CXorf58: variants seen among roughly 807,000 people sequenced by gnomAD.
CXorf58 encodes uncharacterized protein CXorf58.
A neutral mutation model predicts 26.0 loss-of-function variants in CXorf58; 24 were observed. That is an observed-to-expected ratio of 0.92 (90% CI 0.67 to 1.30). The LOEUF (loss-of-function observed/expected upper bound fraction) is 1.30, where lower values mean the gene tolerates loss of function less well. CXorf58 is among the 50% of genes most tolerant of loss of function. The pLI, the probability that CXorf58 is intolerant of heterozygous loss-of-function variation, is 0.00. For synonymous variants in CXorf58, 87 were observed against 86.1 expected (o/e 1.01, Z -0.06); for missense variants, 236 against 263.9 (o/e 0.89, Z 0.73).
intron 7 of CXorf58, among the ~76,000 whole-genome samples, chrX:23,936,370 G>A (rs1928297447): frequency 8.9e-6 from 1 of 111,931 alleles, no homozygotes; most frequent in Admixed American, 9.5e-5. Flanking sequence ...GAGATAAATT[G>A]CATATAAATT....
intron 5 of CXorf58, among the ~76,000 whole-genome samples, chrX:23,920,926 A>T (rs764658014): frequency 1.8e-5 from 2 of 109,813 alleles, no homozygotes; most frequent in Non-Finnish European, 3.8e-5. Flanking sequence ...AATGAGCTAC[A>T]TGTTTTCATT....
Position 23,938,701 on chromosome X carries a change from G to C in CXorf58, c.939+1G>C. 1 of 1,143,220 alleles carries C rather than the reference G, an allele frequency of 8.7e-7. No individual in the cohort carries two copies. Among genetic ancestry groups the C allele is most frequent in the Admixed American group, 2.6e-5 (1 of 38,826 alleles). 94.2% of individuals were successfully genotyped at this position (1,143,220 alleles called of 1,213,427 possible). ...AGAAAAAAATACTTCTGAGGTGACT[G>C]TAAGTTTAACTTGTACTGAATTCAT... On this transcript the variant is annotated splice_donor_variant, in intron 8 of 8. Transcript: ENST00000379211. LOFTEE classifies it high-confidence loss of function.
intron 2 of CXorf58, among the ~76,000 whole-genome samples, chrX:23,911,470 C>G (rs1188195802): frequency 9.0e-6 from 1 of 110,846 alleles, no homozygotes; most frequent in Non-Finnish European, 1.9e-5. Context: ...AATATACATG[C>G]CTCTTAATGA....
intron 3 of CXorf58, 88 bp from the exon 4 acceptor site, chrX:23,915,608 TGTTC>T: frequency 4.1e-6 from 2 of 493,278 alleles, no homozygotes; most frequent in Non-Finnish European, 6.9e-6. Flanking sequence ...TCCAGCATAA[TGTTC>T]ACTTTACCAC....
intron 6 of CXorf58, among the ~76,000 whole-genome samples, chrX:23,932,808 A>G (rs1171621426): frequency 9.0e-6 from 1 of 111,265 alleles, no homozygotes; most frequent in Non-Finnish European, 1.9e-5. Flanking sequence ...CAGCCTGGCC[A>G]ACATGATGAA....
chrX:23,937,426 C>CTTTTTTTTTTTTTT (rs112427001), intron 7 of CXorf58, among the ~76,000 whole-genome samples: 1 of 95,013 alleles, frequency 1.1e-5, no homozygotes. Context: ...TTTTTCTTTT[C>CTTTTTTTTTTTTTT]TTTTTTTTTT....
intron 6 of CXorf58, among the ~76,000 whole-genome samples, chrX:23,932,567 G>A (rs142620853): frequency 2.7e-5 from 3 of 112,281 alleles, no homozygotes; most frequent in Non-Finnish European, 3.8e-5. Flanking sequence ...AACTATATAC[G>A]TTGCTGTTTG....
chrX:23,917,422 C>A (rs747449421), intron 5 of CXorf58, among the ~76,000 whole-genome samples: 40 of 108,216 alleles, frequency 3.7e-4, no homozygotes, highest in Admixed American at 2.9e-3. Flanking sequence ...TTATTTATTT[C>A]TTTATTTATT....
intron 3 of CXorf58, 71 bp downstream of exon 3, chrX:23,911,927 C>G (rs1187279855): frequency 1.4e-6 from 1 of 698,481 alleles, no homozygotes. Flanking sequence ...AATTAAAGAT[C>G]GAATAGATAA....
At chrX:23,929,561 A>G (rs1204760127) in intron 6 of CXorf58, among the ~76,000 whole-genome samples, 1 of 112,228 alleles carries the variant, frequency 8.9e-6, no homozygotes, top group African/African-American at 3.2e-5. Flanking sequence ...GGAAGCTAGC[A>G]GAGGTTGGTT....
intron 6 of CXorf58, among the ~76,000 whole-genome samples, chrX:23,929,455 T>C (rs1268992162): frequency 2.0e-5 from 2 of 99,746 alleles, no homozygotes; most frequent in Non-Finnish European, 4.1e-5. Context: ...CCAGCCACAA[T>C]ATTCCCTTAA....
At chrX:23,934,558 G>A (rs1382049774) in intron 6 of CXorf58, among the ~76,000 whole-genome samples, 1 of 110,825 alleles carries the variant, frequency 9.0e-6, no homozygotes, top group Admixed American at 9.6e-5. Context: ...GCGCCACCAC[G>A]CCCAGCTAAT....
intron 3 of CXorf58, among the ~76,000 whole-genome samples, chrX:23,915,087 T>C (rs957624971): frequency 8.9e-6 from 1 of 112,600 alleles, no homozygotes; most frequent in Non-Finnish European, 1.9e-5. Context: ...TGAGCCGAGA[T>C]CATGCCACCG....
chrX:23,932,116 A>G (rs1244950512), intron 6 of CXorf58, among the ~76,000 whole-genome samples: 1 of 112,452 alleles, frequency 8.9e-6, no homozygotes, highest in African/African-American at 3.2e-5. Flanking sequence ...TTGTTCTTCT[A>G]GTATAACTTA....
chrX:23,927,904 T>A (rs1322072222), intron 6 of CXorf58, among the ~76,000 whole-genome samples: 2 of 111,490 alleles, frequency 1.8e-5, no homozygotes, highest in Non-Finnish European at 3.8e-5. Flanking sequence ...TTCCAGAACC[T>A]TTTCATTACC....
intron 5 of CXorf58, among the ~76,000 whole-genome samples, chrX:23,923,903 A>G (rs1484996433): frequency 4.6e-5 from 5 of 109,583 alleles, no homozygotes; most frequent in African/African-American, 1.7e-4. Context: ...CCCCGTCTCT[A>G]TTGAAAACAA....
chrX:23,922,802 C>A (rs1927904184), intron 5 of CXorf58, among the ~76,000 whole-genome samples: 1 of 112,484 alleles, frequency 8.9e-6, no homozygotes. Flanking sequence ...TTACCTCTTC[C>A]ATGAGTGACA....
chrX:23,908,501 G>A (rs1451378523), intron 1 of CXorf58, among the ~76,000 whole-genome samples, 172 bp downstream of exon 1: 1 of 111,918 alleles, frequency 8.9e-6, no homozygotes, highest in Non-Finnish European at 1.9e-5. Context: ...TTCCAACAAC[G>A]GAAGTAGGTG....
At chrX:23,928,196 T>A (rs1489671148) in intron 6 of CXorf58, among the ~76,000 whole-genome samples, 1 of 110,919 alleles carries the variant, frequency 9.0e-6, no homozygotes, top group Non-Finnish European at 1.9e-5. Flanking sequence ...TTTTTTTTTT[T>A]TGAGACAGAG....
Sources: gnomAD v4.1 joint callset for allele counts (sites outside exome capture counted in the v4.1 genomes callset) on GRCh38, gnomAD v4.1.1 for gene constraint, MANE v1.5 for transcripts, NCBI Gene and HGNC (gene_info 2026-07-23, HGNC 2026-07-21) for gene names.